Variants in ARHGAP22 observed in about 807,000 individuals in gnomAD.
ARHGAP22 encodes the protein rho GTPase-activating protein 22.
ARHGAP22 carries 48 observed loss-of-function variants against 59.1 expected under a neutral mutation model. The ratio of observed to expected loss-of-function variants is 0.81; its 90% CI spans 0.64 to 1.03. ARHGAP22 has a LOEUF of 1.03. Ranked by LOEUF, ARHGAP22 falls within the 50% of genes least tolerant of loss-of-function variation. The pLI is 0.00. For missense variants in ARHGAP22, 1,015 were observed against 958.7 expected (o/e 1.06, Z -0.78); for synonymous variants, 445 against 416.4 (o/e 1.07, Z -0.84).
intron 1 of ARHGAP22, among the ~76,000 whole-genome samples, chr10:48,602,179 A>G (rs1205361774): frequency 6.6e-6 from 1 of 152,224 alleles, no homozygotes; most frequent in African/African-American, 2.4e-5. Flanking sequence ...AATCACAAGA[A>G]TAAGGCCATT....
chr10:48,501,814 A>G (rs1161609977), intron 3 of ARHGAP22, among the ~76,000 whole-genome samples: 5 of 152,112 alleles, frequency 3.3e-5, no homozygotes, highest in Admixed American at 3.3e-4. Flanking sequence ...GAAAAAGTAA[A>G]TGGATGATAT....
At chr10:48,535,974 G>A (rs1285356882) in intron 3 of ARHGAP22, among the ~76,000 whole-genome samples, 1 of 152,226 alleles carries the variant, frequency 6.6e-6, no homozygotes, top group African/African-American at 2.4e-5. Flanking sequence ...GGGGAGCATG[G>A]GCGCTTGCTG....
chr10:48,492,559 T>C (rs2050505651), intron 3 of ARHGAP22, among the ~76,000 whole-genome samples: 1 of 152,218 alleles, frequency 6.6e-6, no homozygotes, highest in Admixed American at 6.5e-5. Flanking sequence ...TAAATTACTT[T>C]CTTTTTTTTT....
chr10:48,445,677 C>G (rs554999308), downstream of ARHGAP22: 3 of 152,802 alleles, frequency 2.0e-5, no homozygotes, highest in East Asian at 3.9e-4. Flanking sequence ...TTGCCCACAC[C>G]TCGCCCAAGC....
chr10:48,524,051 A>C, intron 3 of ARHGAP22: 1 of 1,476,550 alleles, frequency 6.8e-7, no homozygotes, highest in Non-Finnish European at 9.0e-7. Context: ...CGCCGGAGTT[A>C]CCTTTGGGCG....
chr10:48,553,564 G>C (rs139255300), intron 3 of ARHGAP22, among the ~76,000 whole-genome samples: 34 of 152,282 alleles, frequency 2.2e-4, no homozygotes, highest in African/African-American at 7.2e-4. Flanking sequence ...TAATCTCCAC[G>C]GTCTGTTTTT....
At chr10:48,476,413 C>A (rs1217227864) in intron 4 of ARHGAP22, among the ~76,000 whole-genome samples, 2 of 152,124 alleles carry the variant, frequency 1.3e-5, no homozygotes, top group African/African-American at 4.8e-5. Context: ...GAATAAGCAC[C>A]CCAGGAAGGG....
intron 1 of ARHGAP22, among the ~76,000 whole-genome samples, chr10:48,584,490 G>A (rs2059303662): frequency 6.6e-6 from 1 of 152,204 alleles, no homozygotes; most frequent in Admixed American, 6.5e-5. Flanking sequence ...GGTGGCCCAT[G>A]GCTGGTGATT....
At chr10:48,447,690 C>T (rs113325210) in intron 9 of ARHGAP22, among the ~76,000 whole-genome samples, 7,612 of 152,146 alleles carry the variant, frequency 0.05, 304 homozygotes, top group African/African-American at 0.12. Context: ...ACTCCAAGCC[C>T]CAACTACACG....
chr10:48,489,969 G>A (rs2050219523), intron 3 of ARHGAP22, among the ~76,000 whole-genome samples: 2 of 152,040 alleles, frequency 1.3e-5, no homozygotes, highest in African/African-American at 4.8e-5. Context: ...TCCTGACCTC[G>A]TGATCCACCC....
chr10:48,555,075 C>T (rs1228943683), intron 3 of ARHGAP22, among the ~76,000 whole-genome samples: 2 of 152,188 alleles, frequency 1.3e-5, no homozygotes, highest in African/African-American at 4.8e-5. Flanking sequence ...TGCCACATCC[C>T]AATTCTCTGC....
chr10:48,531,898 A>T (rs908372516), intron 3 of ARHGAP22, among the ~76,000 whole-genome samples: 1 of 152,202 alleles, frequency 6.6e-6, no homozygotes, highest in African/African-American at 2.4e-5. Context: ...CCAGTTAAAA[A>T]AGACAAGCCC....
At chr10:48,591,054 A>G (rs1319292381) in intron 1 of ARHGAP22, among the ~76,000 whole-genome samples, 2 of 152,222 alleles carry the variant, frequency 1.3e-5, no homozygotes, top group African/African-American at 4.8e-5. Flanking sequence ...GCCGGGATTC[A>G]AGCCCTGGCT....
intron 4 of ARHGAP22, among the ~76,000 whole-genome samples, chr10:48,475,501 C>A (rs1038937076): frequency 6.6e-6 from 1 of 152,194 alleles, no homozygotes; most frequent in Non-Finnish European, 1.5e-5. Flanking sequence ...TTCCAAATAG[C>A]TGCAGTTCCC....
intron 4 of ARHGAP22, among the ~76,000 whole-genome samples, chr10:48,472,836 A>C (rs72783091): frequency 0.17 from 26,140 of 152,060 alleles, 2,505 homozygotes; most frequent in African/African-American, 0.26. Flanking sequence ...ACCAAAAAAA[A>C]CAGAAAACAA....
intron 5 of ARHGAP22, among the ~76,000 whole-genome samples, chr10:48,457,010 G>A (rs1589461698): frequency 1.3e-5 from 2 of 152,226 alleles, no homozygotes; most frequent in South Asian, 2.1e-4. Context: ...CGACATTAGC[G>A]CAGGCGGAGG....
chr10:48,526,334 C>T (rs142448432), intron 3 of ARHGAP22, among the ~76,000 whole-genome samples: 13 of 152,016 alleles, frequency 8.6e-5, no homozygotes, highest in African/African-American at 3.1e-4. Context: ...GCCTCCCTCC[C>T]TCTCCTTTAA....
intron 1 of ARHGAP22, among the ~76,000 whole-genome samples, chr10:48,650,146 CTTT>C (rs11386532): frequency 3.7e-5 from 3 of 82,058 alleles, no homozygotes; most frequent in Admixed American, 1.5e-4. Context: ...GCTGGAGACT[CTTT>C]TTTTTTTTTT....
At chr10:48,609,173 A>G (rs916355041), upstream of ARHGAP22, among the ~76,000 whole-genome samples, 4 of 152,210 alleles carry the variant, frequency 2.6e-5, no homozygotes, top group Non-Finnish European at 5.9e-5. Flanking sequence ...CATTTCCACC[A>G]CATTCACTCT....
Sources: allele counts gnomAD v4.1 joint callset (sites outside exome capture counted in the v4.1 genomes callset), GRCh38; gene constraint gnomAD v4.1.1; transcripts MANE v1.5; gene names NCBI Gene and HGNC (gene_info 2026-07-23, HGNC 2026-07-21).